The following CPNE8 variants were observed in gnomAD, a reference collection of about 807,000 sequenced individuals.
The protein encoded by CPNE8 is copine-8.
In CPNE8, 45 loss-of-function variants were observed where a neutral mutation model predicts 81.5. The ratio of observed to expected loss-of-function variants is 0.55; its 90% confidence interval spans 0.44 to 0.71. The LOEUF (loss-of-function observed/expected upper bound fraction) is 0.71. CPNE8 is among the 30% of genes least tolerant of loss of function. CPNE8 has a pLI of 0.00. For synonymous variants in CPNE8, 252 were observed against 226.3 expected, an observed-to-expected ratio of 1.11 and a Z score of -1.02; for missense variants, 594 against 672.1, an observed-to-expected ratio of 0.88 and a Z score of 1.28.
At chr12:38,829,316 C>T in intron 6 of CPNE8, 63 bp downstream of exon 6, 1 of 1,197,022 alleles carries the variant, frequency 8.4e-7, no homozygotes, top group Non-Finnish European at 1.2e-6. Context: ...TCACCAATTC[C>T]AAACTGACAA....
intron 3 of CPNE8, among the ~76,000 whole-genome samples, chr12:38,863,993 G>A (rs1010473685): frequency 2.0e-5 from 3 of 151,358 alleles, no homozygotes; most frequent in African/African-American, 7.3e-5. Context: ...GATGGAGCTT[G>A]CAGTGAGCCG....
chr12:38,882,878 T>C (rs1944181911), intron 1 of CPNE8, among the ~76,000 whole-genome samples: 1 of 152,198 alleles, frequency 6.6e-6, no homozygotes, highest in South Asian at 2.1e-4. Context: ...TTAGACGTTT[T>C]ACCCATAGCA....
intron 11 of CPNE8, among the ~76,000 whole-genome samples, chr12:38,728,022 G>T (rs755841233): frequency 3.9e-5 from 6 of 152,136 alleles, no homozygotes; most frequent in Admixed American, 6.5e-5. Flanking sequence ...CAGCCCACAT[G>T]ACAAAGAATA....
intron 13 of CPNE8, chr12:38,720,867 C>T (rs826854): frequency 0.076 from 11,519 of 152,402 alleles, 746 homozygotes; most frequent in East Asian, 0.24. Context: ...ACTCAGACCT[C>T]CCAGGCCACT....
At chr12:38,835,078 G>C (rs950554138) in intron 5 of CPNE8, among the ~76,000 whole-genome samples, 2 of 151,952 alleles carry the variant, frequency 1.3e-5, no homozygotes, top group African/African-American at 4.8e-5. Flanking sequence ...GTAGATACAG[G>C]GTTTCACCAC....
chr12:38,676,994 C>T lies in CPNE8; in HGVS notation c.1374+458G>A, dbSNP rs543882999. Among the ~76,000 whole-genome samples the T allele has an allele frequency of 6.1e-4, 31 of 50,824 alleles. 2 individuals carry two copies. In the South Asian group the frequency reaches 0.021, roughly 34 times the overall value. 33.3% of individuals were successfully genotyped at this position (50,824 alleles called of 152,430 possible). A position where few individuals can be genotyped will look rare whatever the true frequency, so the allele number is the denominator to read the frequency against. On this transcript the variant is annotated intron_variant, in intron 17 of 19. Transcript: ENST00000331366. ...TAGATTAGTAAACAATCAAATAACCCTAAAAAAAAAACATACAATTAGGAA... is the reference window on the plus strand; with the variant it reads ...TAGATTAGTAAACAATCAAATAACCTTAAAAAAAAAACATACAATTAGGAA...
At chr12:38,864,057 C>CAA (rs35534366) in intron 3 of CPNE8, among the ~76,000 whole-genome samples, 7 of 89,866 alleles carry the variant, frequency 7.8e-5, no homozygotes, top group East Asian at 3.8e-4. Context: ...TCATCTCTCA[C>CAA]AAAAAAAAAA....
chr12:38,820,265 C>T (rs144904677), intron 6 of CPNE8, among the ~76,000 whole-genome samples: 12 of 151,904 alleles, frequency 7.9e-5, no homozygotes, highest in Middle Eastern at 3.4e-3. Flanking sequence ...ATTAGCCGGG[C>T]GTGGTGATGT....
intron 6 of CPNE8, among the ~76,000 whole-genome samples, chr12:38,795,577 G>A (rs1441989805): frequency 6.6e-6 from 1 of 152,100 alleles, no homozygotes; most frequent in Non-Finnish European, 1.5e-5. Context: ...CATACTACAA[G>A]AATGAATCTT....
intron 14 of CPNE8, among the ~76,000 whole-genome samples, chr12:38,694,374 AACTTTCGAATGAG>A (rs1451539590): frequency 4.6e-5 from 7 of 152,206 alleles, no homozygotes; most frequent in Non-Finnish European, 8.8e-5. Flanking sequence ...AATTCTTCAC[AACTTTCGAATGAG>A]ACATTAAGCT....
chr12:38,792,210 G>A (rs1942342383), intron 6 of CPNE8, among the ~76,000 whole-genome samples: 1 of 149,458 alleles, frequency 6.7e-6, no homozygotes, highest in African/African-American at 2.4e-5. Context: ...CCCAAAGCTA[G>A]GAAAAGGTAG....
At chr12:38,850,729 T>A (rs541013783) in intron 3 of CPNE8, among the ~76,000 whole-genome samples, 1 of 152,318 alleles carries the variant, frequency 6.6e-6, no homozygotes, top group Non-Finnish European at 1.5e-5. Flanking sequence ...CCGTCTTTCC[T>A]GACTTTTGAC....
chr12:38,888,098 G>A (rs1312149252), intron 1 of CPNE8, among the ~76,000 whole-genome samples: 1 of 152,162 alleles, frequency 6.6e-6, no homozygotes, highest in East Asian at 1.9e-4. Flanking sequence ...TAGAAAGCTG[G>A]AGGCTAACAT....
chr12:38,767,852 C>T lies in CPNE8; in HGVS notation c.472-114G>A, dbSNP rs568030313. 1.7e-5 allele frequency: 10 copies of T among 588,300 alleles called. No individual in the cohort carries two copies. The South Asian group carries it at 3.3e-4, about 19-fold the overall frequency. The allele number at this position is 588,300 out of a possible 1,614,324, so 36.4% of individuals were successfully genotyped here. A position where few individuals can be genotyped will look rare whatever the true frequency, so the allele number is the denominator to read the frequency against. The stretch of plus-strand genomic sequence containing the variant: ...TATTTGCTATTTTAATGCAAATGGC[C>T]AAGTTTGGGAGAATCCCAGACAACA... On this transcript the variant is annotated intron_variant, in intron 7 of 19. Coordinates refer to ENST00000331366, the MANE Select transcript of CPNE8 (RefSeq NM_153634.3).
intron 13 of CPNE8, among the ~76,000 whole-genome samples, chr12:38,719,003 T>A (rs940862315): frequency 6.6e-6 from 1 of 152,202 alleles, no homozygotes; most frequent in South Asian, 2.1e-4. Context: ...AGATGTTAGC[T>A]ATTATCATAC....
intron 5 of CPNE8, among the ~76,000 whole-genome samples, chr12:38,838,556 T>C (rs971353508): frequency 6.6e-6 from 1 of 152,206 alleles, no homozygotes; most frequent in Non-Finnish European, 1.5e-5. Flanking sequence ...TTTAGGACAT[T>C]TGCAAAACTT....
chr12:38,740,227 G>C (rs528942207), intron 10 of CPNE8, among the ~76,000 whole-genome samples: 106 of 152,262 alleles, frequency 7.0e-4, no homozygotes, highest in African/African-American at 2.0e-3. Context: ...AAGAATGCTT[G>C]TGATTTTTGC....
At chr12:38,902,841 CAT>C (rs1392679093) in intron 1 of CPNE8, among the ~76,000 whole-genome samples, 4 of 152,096 alleles carry the variant, frequency 2.6e-5, no homozygotes, top group Admixed American at 6.5e-5. Flanking sequence ...TTTTTGAAAA[CAT>C]GTTTTTGTTT....
At chr12:38,877,924 C>T (rs990321651) in intron 1 of CPNE8, among the ~76,000 whole-genome samples, 1 of 152,136 alleles carries the variant, frequency 6.6e-6, no homozygotes. Flanking sequence ...GCACAAGATG[C>T]AGGTCATAAA....
Sources: gnomAD v4.1 joint callset for allele counts (sites outside exome capture counted in the v4.1 genomes callset) on GRCh38, gnomAD v4.1.1 for gene constraint, MANE v1.5 for transcripts, NCBI Gene and HGNC (gene_info 2026-07-23, HGNC 2026-07-21) for gene names.